The following SFXN2 variants were observed in gnomAD, a reference collection of about 807,000 sequenced individuals.
SFXN2 encodes sideroflexin 2.
SFXN2 carries 37 observed loss-of-function variants against 41.9 expected under a neutral mutation model. The ratio of observed to expected loss-of-function variants is 0.88; its 90% CI spans 0.68 to 1.16. The LOEUF (loss-of-function observed/expected upper bound fraction) is 1.16. SFXN2 is among the 50% of genes most tolerant of loss of function. The probability of loss-of-function intolerance (pLI) is 0.00; values close to 1 mark genes in which losing one functional copy is unlikely to be tolerated. For missense variants in SFXN2, 386 were observed against 425.2 expected (o/e 0.91, Z 0.81); for synonymous variants, 150 against 156.7 (o/e 0.96, Z 0.32).
At chr10:102,726,229 T>A (rs2064590628) in intron 1 of SFXN2, among the ~76,000 whole-genome samples, 1 of 152,228 alleles carries the variant, frequency 6.6e-6, no homozygotes, top group South Asian at 2.1e-4. Context: ...ATTACAGGCA[T>A]GAGCCACTGC....
At chr10:102,721,986 T>C (rs1385976654) in intron 1 of SFXN2, among the ~76,000 whole-genome samples, 2 of 152,254 alleles carry the variant, frequency 1.3e-5, no homozygotes, top group East Asian at 3.8e-4. Flanking sequence ...GTGGGTTCAT[T>C]TGAGCCCTAC....
intron 1 of SFXN2, among the ~76,000 whole-genome samples, chr10:102,718,821 A>G (rs1194208240): frequency 6.6e-6 from 1 of 151,786 alleles, no homozygotes; most frequent in Non-Finnish European, 1.5e-5. Context: ...CTGGCCTCCC[A>G]AAGTGCTGGG....
intron 11 of SFXN2, among the ~76,000 whole-genome samples, chr10:102,736,221 G>A (rs1371104020): frequency 1.3e-5 from 2 of 152,036 alleles, no homozygotes; most frequent in Non-Finnish European, 2.9e-5. Flanking sequence ...GGGTTATTAG[G>A]AAGCTCTCCT....
At chr10:102,730,253 A>G (rs2064681274) in intron 6 of SFXN2, among the ~76,000 whole-genome samples, 1 of 152,120 alleles carries the variant, frequency 6.6e-6, no homozygotes, top group South Asian at 2.1e-4. Context: ...CAGGCACCCA[A>G]CTCTAAGCTT....
At chr10:102,720,454 A>C (rs758083285) in intron 1 of SFXN2, among the ~76,000 whole-genome samples, 70 of 152,110 alleles carry the variant, frequency 4.6e-4, no homozygotes, top group Non-Finnish European at 8.7e-4. Context: ...CAAAAAATAC[A>C]AAAACTAGCC....
intron 11 of SFXN2, among the ~76,000 whole-genome samples, chr10:102,737,362 G>T (rs556375482): frequency 2.6e-5 from 4 of 152,174 alleles, no homozygotes; most frequent in African/African-American, 9.6e-5. Context: ...GACAATTCCA[G>T]TCTCCCCTTC....
chr10:102,729,603 G>A lies in SFXN2; in HGVS notation c.508-120G>A, dbSNP rs1414628250. ...GGAGTTTGGGGTTCCCAGACTGGGT[G>A]TCTGGATGTGTGGCGGTAGCAAGGC... On this transcript the variant is annotated intron_variant, in intron 5 of 11. Coordinates refer to ENST00000369893, the MANE Select transcript of SFXN2 (RefSeq NM_178858.6). 7 of 1,179,650 alleles carry A rather than the reference G, an allele frequency of 5.9e-6. No homozygotes were observed. The East Asian group carries it at 9.4e-5, about 16-fold the overall frequency. 73.1% of individuals were successfully genotyped at this position (1,179,650 alleles called of 1,614,324 possible).
At chr10:102,736,352 G>C (rs1467829793) in intron 11 of SFXN2, among the ~76,000 whole-genome samples, 1 of 151,402 alleles carries the variant, frequency 6.6e-6, no homozygotes, top group East Asian at 1.9e-4. Context: ...CCGCCTCCCA[G>C]TTCAAGTGAT....
chr10:102,719,521 GCC>G (rs1289121859), intron 1 of SFXN2, among the ~76,000 whole-genome samples: 1 of 152,144 alleles, frequency 6.6e-6, no homozygotes, highest in Non-Finnish European at 1.5e-5. Context: ...GAGCCACTGT[GCC>G]CGGCCTTGGC....
chr10:102,716,052 C>T (rs2064406762), intron 1 of SFXN2, among the ~76,000 whole-genome samples: 1 of 151,994 alleles, frequency 6.6e-6, no homozygotes, highest in Non-Finnish European at 1.5e-5. Flanking sequence ...GGAGGTGATA[C>T]AGGAGCACAA....
chr10:102,719,774 A>G (rs1244597138), intron 1 of SFXN2, among the ~76,000 whole-genome samples: 1 of 152,236 alleles, frequency 6.6e-6, no homozygotes, highest in Non-Finnish European at 1.5e-5. Flanking sequence ...CAAAATGAAC[A>G]TACCACCTCA....
intron 6 of SFXN2, 100 bp downstream of exon 6, chr10:102,729,908 TG>T: frequency 2.3e-6 from 3 of 1,305,884 alleles, no homozygotes; most frequent in Admixed American, 3.8e-5. Flanking sequence ...GCGGTGGGCA[TG>T]GGGAGGGCTG....
At chr10:102,717,203 C>T (rs1476823540) in intron 1 of SFXN2, among the ~76,000 whole-genome samples, 1 of 139,348 alleles carries the variant, frequency 7.2e-6, no homozygotes, top group Non-Finnish European at 1.5e-5. Context: ...GCGATCTTGG[C>T]TCACTACAAC....
intron 1 of SFXN2, among the ~76,000 whole-genome samples, chr10:102,724,023 G>A (rs570837178): frequency 1.8e-4 from 28 of 152,094 alleles, no homozygotes; most frequent in East Asian, 1.4e-3. Context: ...TGTTGCTCCC[G>A]TTTTTGTGTC....
intron 1 of SFXN2, among the ~76,000 whole-genome samples, chr10:102,719,308 G>A (rs1044339374): frequency 7.3e-5 from 11 of 150,706 alleles, no homozygotes; most frequent in African/African-American, 2.4e-4. Flanking sequence ...TGCAACCTCC[G>A]CCTCCTGGGT....
rs928441537 is a variant in SFXN2 at position 102,734,534 on chromosome 10, T to C, written c.821+931T>C. On this transcript the variant is annotated intron_variant, in intron 10 of 11. Transcript: ENST00000369893. The surrounding 1 kb of genome is among the most constrained non-coding windows in gnomAD (Gnocchi z 4.1). ...AGTAAGAAACTTGCCCAAGGGTATATAGCTGGTAACTGCTGGAGCTGAGAT... is the reference window on the plus strand; with the variant it reads ...AGTAAGAAACTTGCCCAAGGGTATACAGCTGGTAACTGCTGGAGCTGAGAT... 6.6e-6 allele frequency among the ~76,000 whole-genome samples: 1 copy of C among 152,240 alleles called. No homozygotes were observed. Among genetic ancestry groups the C allele is most frequent in the East Asian group, 1.9e-4 (1 of 5,204 alleles).
At chr10:102,720,281 G>T (rs2064488066) in intron 1 of SFXN2, among the ~76,000 whole-genome samples, 1 of 92,044 alleles carries the variant, frequency 1.1e-5, no homozygotes, top group Non-Finnish European at 1.9e-5. Flanking sequence ...GACAGAGCAA[G>T]ACTCCCTCTC....
chr10:102,727,216 G>C, intron 3 of SFXN2, 59 bp downstream of exon 3: 2 of 1,532,052 alleles, frequency 1.3e-6, no homozygotes, highest in Non-Finnish European at 1.8e-6. Context: ...TGGTCAGGGA[G>C]CCATACTATG....
At chr10:102,732,950 G>C (rs2778037) in intron 9 of SFXN2, 42 bp downstream of exon 9, 1,227,450 of 1,609,086 alleles carry the variant, frequency 0.76, 469,944 homozygotes, top group Admixed American at 0.8. Context: ...CCCAGAGTGC[G>C]TCCAGCCACA....
Sources: allele counts gnomAD v4.1 joint callset (sites outside exome capture counted in the v4.1 genomes callset), GRCh38; gene constraint gnomAD v4.1.1; non-coding constraint Gnocchi (gnomAD v3.1); transcripts MANE v1.5; gene names NCBI Gene and HGNC (gene_info 2026-07-23, HGNC 2026-07-21).